IGSF10: variants seen among roughly 807,000 people sequenced by gnomAD.
IGSF10 encodes the protein calvaria mechanical force protein 608.
In IGSF10, 126 loss-of-function variants were observed where a neutral mutation model predicts 128.2. That is an observed-to-expected ratio of 0.98 (90% CI 0.85 to 1.14). The LOEUF (loss-of-function observed/expected upper bound fraction) is 1.14, where lower values mean the gene tolerates loss of function less well. Ranked by LOEUF, IGSF10 falls within the 50% of genes most tolerant of loss-of-function variation. The pLI is 0.00. For missense variants in IGSF10, 3,295 were observed against 3,149.8 expected, an observed-to-expected ratio of 1.05 and a Z score of -1.10; for synonymous variants, 1,185 against 1,146.2, an observed-to-expected ratio of 1.03 and a Z score of -0.68.
the IGSF10 span, among the ~76,000 whole-genome samples, chr3:151,533,612 T>C: frequency 6.6e-6 from 1 of 152,152 alleles, no homozygotes; most frequent in Admixed American, 6.6e-5. Flanking sequence ...CGCAGAAAGC[T>C]GAAACTGGAC....
the IGSF10 span, among the ~76,000 whole-genome samples, chr3:151,522,377 A>G: frequency 6.6e-6 from 1 of 152,162 alleles, no homozygotes; most frequent in Admixed American, 6.5e-5. Flanking sequence ...AAAACCTGGC[A>G]GAGACACAAC....
At chr3:151,540,795 C>T in the IGSF10 span, among the ~76,000 whole-genome samples, 1 of 152,122 alleles carries the variant, frequency 6.6e-6, no homozygotes, top group Non-Finnish European at 1.5e-5. Flanking sequence ...CAAGCCTAGT[C>T]CCCCACGAAA....
the IGSF10 span, among the ~76,000 whole-genome samples, chr3:151,592,091 T>C: frequency 2.6e-5 from 4 of 152,206 alleles, no homozygotes; most frequent in Admixed American, 2.6e-4. Flanking sequence ...TGGAGACTAC[T>C]AGGTTCAAAT....
chr3:151,437,124 A>AATT lies in IGSF10; in HGVS notation c.7434_7436dup (p.Ile2479dup), dbSNP rs776369304. On this transcript the variant is annotated inframe_insertion, in exon 8 of 8. Transcript: ENST00000282466. ...TGTCATGCAATATGTATTTCCCATT[A>AATT]ATTTGAGGCCTGTCTACTACATAAC... The AATT allele has an allele frequency of 1.2e-6, 2 of 1,614,090 alleles. No individual in the cohort carries two copies. The highest frequency in any genetic ancestry group is 1.7e-6 in the Non-Finnish European group (2 of 1,179,996).
At chr3:151,500,324 T>TGATA in the IGSF10 span, among the ~76,000 whole-genome samples, 124,077 of 151,770 alleles carry the variant, frequency 0.82, 50,801 homozygotes, top group Middle Eastern at 0.93. Context: ...ATCTGATACA[T>TGATA]GTTATTAATA....
At chr3:151,542,616 C>T in the IGSF10 span, among the ~76,000 whole-genome samples, 1 of 152,096 alleles carries the variant, frequency 6.6e-6, no homozygotes, top group African/African-American at 2.4e-5. Context: ...AACTTGAATA[C>T]TTACTATAAA....
At chr3:151,458,145 G>A (rs769740453) in intron 3 of IGSF10, among the ~76,000 whole-genome samples, 1 of 152,024 alleles carries the variant, frequency 6.6e-6, no homozygotes, top group Non-Finnish European at 1.5e-5. Context: ...GTGTGTGTGT[G>A]TGTATTATAT....
the IGSF10 span, among the ~76,000 whole-genome samples, chr3:151,528,953 G>C: frequency 6.6e-5 from 10 of 151,786 alleles, no homozygotes; most frequent in African/African-American, 2.2e-4. Flanking sequence ...AAGATCCACC[G>C]GCGTGAAATT....
At chr3:151,478,569 C>A in the IGSF10 span, among the ~76,000 whole-genome samples, 5 of 152,152 alleles carry the variant, frequency 3.3e-5, no homozygotes, top group Non-Finnish European at 2.9e-5. Flanking sequence ...TCTTAAAGGA[C>A]GCCTAACTAG....
At chr3:151,603,248 C>A in the IGSF10 span, among the ~76,000 whole-genome samples, 1 of 152,176 alleles carries the variant, frequency 6.6e-6, no homozygotes, top group Non-Finnish European at 1.5e-5. Flanking sequence ...TCTTTCTGTT[C>A]TGTAGGCCTG....
chr3:151,578,800 G>A, the IGSF10 span, among the ~76,000 whole-genome samples: 1 of 152,152 alleles, frequency 6.6e-6, no homozygotes, highest in East Asian at 1.9e-4. Context: ...TTTGAGGGAA[G>A]GACAGAAAAT....
At chr3:151,610,338 G>C in the IGSF10 span, among the ~76,000 whole-genome samples, 1 of 152,112 alleles carries the variant, frequency 6.6e-6, no homozygotes, top group Non-Finnish European at 1.5e-5. Context: ...TAGGCCACCG[G>C]TTTTCCTTGT....
the IGSF10 span, among the ~76,000 whole-genome samples, chr3:151,562,736 C>T: frequency 6.6e-6 from 1 of 152,138 alleles, no homozygotes; most frequent in East Asian, 1.9e-4. Context: ...ACTGTGGTGC[C>T]AGACCCCTAT....
the IGSF10 span, among the ~76,000 whole-genome samples, chr3:151,512,775 A>T: frequency 6.6e-6 from 1 of 152,222 alleles, no homozygotes; most frequent in South Asian, 2.1e-4. Context: ...AAAATGACAA[A>T]GGGGATATCA....
the IGSF10 span, among the ~76,000 whole-genome samples, chr3:151,489,946 T>C: frequency 5.9e-5 from 9 of 152,224 alleles, no homozygotes; most frequent in African/African-American, 1.4e-4. Context: ...ACTCTGTACA[T>C]GTACCCCAGA....
the IGSF10 span, among the ~76,000 whole-genome samples, chr3:151,523,985 C>G: frequency 6.6e-6 from 1 of 151,926 alleles, no homozygotes; most frequent in Non-Finnish European, 1.5e-5. Flanking sequence ...CCCATTAAAA[C>G]GTGGCAAAGG....
the IGSF10 span, among the ~76,000 whole-genome samples, chr3:151,533,090 G>A: frequency 4.6e-5 from 7 of 152,154 alleles, no homozygotes; most frequent in Middle Eastern, 3.4e-3. Context: ...AAAATACCTA[G>A]GAATAAAACT....
the IGSF10 span, among the ~76,000 whole-genome samples, chr3:151,473,816 T>C: frequency 4.8e-4 from 73 of 152,204 alleles, no homozygotes; most frequent in South Asian, 1.0e-3. Flanking sequence ...ATCTTGTTAT[T>C]TTGCCTGGCT....
the IGSF10 span, among the ~76,000 whole-genome samples, chr3:151,481,465 C>T: frequency 6.6e-6 from 1 of 152,160 alleles, no homozygotes; most frequent in African/African-American, 2.4e-5. Context: ...GCCTGAGGCT[C>T]TGAAGCATCC....
Sources: allele counts gnomAD v4.1 joint callset (sites outside exome capture counted in the v4.1 genomes callset), GRCh38; gene constraint gnomAD v4.1.1; transcripts MANE v1.5; gene names NCBI Gene and HGNC (gene_info 2026-07-23, HGNC 2026-07-21).